Variants in C1QTNF3 observed in about 807,000 individuals in gnomAD.
C1QTNF3 encodes the protein complement C1q tumor necrosis factor-related protein 3.
C1QTNF3 carries 26 observed loss-of-function variants against 32.6 expected under a neutral mutation model. The observed-to-expected ratio is 0.80, with a 90% confidence interval of 0.58 to 1.11. The LOEUF (loss-of-function observed/expected upper bound fraction) is 1.11, where lower values mean the gene tolerates loss of function less well. C1QTNF3 is among the 50% of genes least tolerant of loss of function. The probability of loss-of-function intolerance (pLI) is 0.00; values close to 1 mark genes in which losing one functional copy is unlikely to be tolerated. For synonymous variants in C1QTNF3, 155 were observed against 146.0 expected (o/e 1.06, Z -0.44); for missense variants, 362 against 398.2 (o/e 0.91, Z 0.77).
the C1QTNF3 span, among the ~76,000 whole-genome samples, chr5:34,230,248 C>T: frequency 1.3e-5 from 2 of 152,136 alleles, no homozygotes; most frequent in Non-Finnish European, 1.5e-5. Flanking sequence ...TTCCACAGAG[C>T]CTATAGAAGG....
At chr5:34,165,892 GTCTT>G in the C1QTNF3 span, 1 of 145,802 alleles carries the variant, frequency 6.9e-6, no homozygotes, top group Non-Finnish European at 1.5e-5. Context: ...GAATACAACA[GTCTT>G]TCTTTTATCA....
chr5:34,143,253 A>G, the C1QTNF3 span, among the ~76,000 whole-genome samples: 1 of 152,216 alleles, frequency 6.6e-6, no homozygotes. Context: ...TTTAAAATGA[A>G]CAAAACCTTA....
chr5:34,040,331 G>C (rs1000206472), intron 1 of C1QTNF3, among the ~76,000 whole-genome samples: 2 of 152,076 alleles, frequency 1.3e-5, no homozygotes, highest in Non-Finnish European at 2.9e-5. Flanking sequence ...GCAGAACTGA[G>C]CTCTACTACT....
At chr5:34,164,971 A>G in the C1QTNF3 span, 15 of 152,114 alleles carry the variant, frequency 9.9e-5, no homozygotes, top group African/African-American at 3.6e-4. Flanking sequence ...TTAAAATTAT[A>G]GTTAAAATAT....
At chr5:34,079,397 AT>A in the C1QTNF3 span, among the ~76,000 whole-genome samples, 26 of 151,548 alleles carry the variant, frequency 1.7e-4, 3 homozygotes, top group African/African-American at 5.4e-4. Flanking sequence ...AGAAATTCAT[AT>A]TTTTTTCATA....
At chr5:34,030,853 G>A (rs1418422513) in intron 3 of C1QTNF3, among the ~76,000 whole-genome samples, 1 of 152,142 alleles carries the variant, frequency 6.6e-6, no homozygotes, top group African/African-American at 2.4e-5. Flanking sequence ...AACACTGCAT[G>A]TTCTCATGTA....
chr5:34,219,570 TG>T, the C1QTNF3 span, among the ~76,000 whole-genome samples: 3 of 151,214 alleles, frequency 2.0e-5, no homozygotes, highest in Non-Finnish European at 3.0e-5. Flanking sequence ...AATATTGTGA[TG>T]GAAAAAAAAA....
chr5:34,094,343 C>T, the C1QTNF3 span, among the ~76,000 whole-genome samples: 2 of 151,910 alleles, frequency 1.3e-5, no homozygotes, highest in Non-Finnish European at 2.9e-5. Context: ...CTCCAGGCTT[C>T]ATGTGAATTA....
the C1QTNF3 span, among the ~76,000 whole-genome samples, chr5:34,087,576 T>C: frequency 3.0e-5 from 4 of 133,734 alleles, no homozygotes; most frequent in South Asian, 1.1e-3. Flanking sequence ...TTGTCTTTTT[T>C]TTTTTTTTTT....
chr5:34,127,764 T>C, the C1QTNF3 span, among the ~76,000 whole-genome samples: 1 of 151,626 alleles, frequency 6.6e-6, no homozygotes, highest in African/African-American at 2.4e-5. Context: ...TGGCAGTTTC[T>C]AAAAGTGTAC....
the C1QTNF3 span, among the ~76,000 whole-genome samples, chr5:34,113,812 G>A: frequency 6.6e-6 from 1 of 152,076 alleles, no homozygotes; most frequent in Non-Finnish European, 1.5e-5. Context: ...CTCATTTCAT[G>A]TTTCTTAGTT....
chr5:34,228,181 A>G, the C1QTNF3 span, among the ~76,000 whole-genome samples: 105 of 151,856 alleles, frequency 6.9e-4, 1 homozygote, highest in African/African-American at 2.3e-3. Flanking sequence ...GAGATCGTCA[A>G]ACTTGCATGG....
the C1QTNF3 span, among the ~76,000 whole-genome samples, chr5:34,053,410 A>G: frequency 1.3e-5 from 2 of 152,220 alleles, no homozygotes; most frequent in Non-Finnish European, 2.9e-5. Flanking sequence ...GAGTCCACCG[A>G]ACCATGTCCC....
chr5:34,241,297 C>G, the C1QTNF3 span, among the ~76,000 whole-genome samples: 1 of 151,848 alleles, frequency 6.6e-6, no homozygotes, highest in East Asian at 1.9e-4. Context: ...AGCAATCTCG[C>G]AACAGAAAAA....
the C1QTNF3 span, among the ~76,000 whole-genome samples, chr5:34,078,781 C>T: frequency 1.5e-3 from 223 of 151,708 alleles, 5 homozygotes; most frequent in African/African-American, 5.2e-3. The surrounding 1 kb of genome is among the most constrained non-coding windows in gnomAD (Gnocchi z 4.0). Context: ...CTTCCACCAC[C>T]AGCTATCGCC....
chr5:34,105,185 T>C, the C1QTNF3 span, among the ~76,000 whole-genome samples: 2 of 152,162 alleles, frequency 1.3e-5, no homozygotes, highest in African/African-American at 4.8e-5. Flanking sequence ...GGTGTCATAC[T>C]TGCTTCATTT....
the C1QTNF3 span, among the ~76,000 whole-genome samples, chr5:34,209,155 G>A: frequency 3.9e-5 from 6 of 152,150 alleles, no homozygotes; most frequent in Admixed American, 6.5e-5. Flanking sequence ...TGATATTCTC[G>A]AATGAATATG....
At chr5:34,176,794 C>A in the C1QTNF3 span, among the ~76,000 whole-genome samples, 1 of 151,982 alleles carries the variant, frequency 6.6e-6, no homozygotes, top group Non-Finnish European at 1.5e-5. Context: ...GAGGTCAAAG[C>A]TGTGGTGAGC....
the C1QTNF3 span, among the ~76,000 whole-genome samples, chr5:34,098,738 G>C: frequency 6.6e-6 from 1 of 152,026 alleles, no homozygotes; most frequent in African/African-American, 2.4e-5. Context: ...TAAGGAACTA[G>C]GGAAATCTGA....
Sources: gnomAD v4.1 joint callset for allele counts (sites outside exome capture counted in the v4.1 genomes callset) on GRCh38, gnomAD v4.1.1 for gene constraint, Gnocchi (gnomAD v3.1) non-coding constraint, MANE v1.5 for transcripts, NCBI Gene and HGNC (gene_info 2026-07-23, HGNC 2026-07-21) for gene names.